KCNJ5: variants seen among roughly 807,000 people sequenced by gnomAD.
KCNJ5 encodes G protein-activated inward rectifier potassium channel 4.
In KCNJ5, 12 loss-of-function variants were observed where a neutral mutation model predicts 20.2. The ratio of observed to expected loss-of-function variants is 0.59; its 90% confidence interval spans 0.38 to 0.96. The LOEUF (loss-of-function observed/expected upper bound fraction) is 0.96, where lower values mean the gene tolerates loss of function less well. KCNJ5 is among the 40% of genes least tolerant of loss of function. The pLI, the probability that KCNJ5 is intolerant of heterozygous loss-of-function variation, is 0.00. For synonymous variants in KCNJ5, 210 were observed against 213.9 expected (o/e 0.98, Z 0.16); for missense variants, 449 against 557.6 (o/e 0.81, Z 1.96).
chr11:128,896,317 C>A (rs531771170), intron 1 of KCNJ5, among the ~76,000 whole-genome samples: 2 of 151,708 alleles, frequency 1.3e-5, no homozygotes, highest in Non-Finnish European at 1.5e-5. Flanking sequence ...TTTCTCTCAG[C>A]GGTAATATTT....
At chr11:128,897,093 CT>C (rs35966521) in intron 1 of KCNJ5, among the ~76,000 whole-genome samples, 1,827 of 100,044 alleles carry the variant, frequency 0.018, 3 homozygotes, top group African/African-American at 0.04. Context: ...CCGTTTACCA[CT>C]TTTTTTTTTT....
chr11:128,893,028 A>G (rs1194973235), intron 1 of KCNJ5, among the ~76,000 whole-genome samples: 2 of 152,218 alleles, frequency 1.3e-5, no homozygotes, highest in East Asian at 3.8e-4. Flanking sequence ...TTGTCTTTCC[A>G]CATCCCTGCT....
At chr11:128,902,555 G>A (rs1161065284) in intron 1 of KCNJ5, 2 of 1,597,652 alleles carry the variant, frequency 1.3e-6, no homozygotes, top group Non-Finnish European at 1.7e-6. Flanking sequence ...AAGGAGACAG[G>A]GCTAGTTAGG....
chr11:128,903,396 G>A (rs758323029), intron 1 of KCNJ5: 27 of 1,613,952 alleles, frequency 1.7e-5, no homozygotes, highest in Middle Eastern at 1.6e-4. Context: ...GGGTGTAGAC[G>A]GCAGAGCTCA....
chr11:128,903,352 G>A (rs199658982), intron 1 of KCNJ5: 170 of 1,613,724 alleles, frequency 1.1e-4, no homozygotes, highest in Middle Eastern at 6.6e-4. Context: ...AACGCGATCC[G>A]GCAGCTGCAC....
Position 128,903,331 on chromosome 11 carries a change from T to C in KCNJ5, c.-10-7933T>C, listed in dbSNP as rs534590917. On this transcript the variant is annotated intron_variant, in intron 1 of 2. Transcript: ENST00000529694. ...GACCAAGAAGGATGTAGAGTGTGTC[T>C]GTGTTGGAAGAACGCGATCCGGCAG... is the stretch of plus-strand genomic sequence containing the variant. The C allele has an allele frequency of 6.8e-6, 11 of 1,611,988 alleles. No homozygotes were observed. The African/African-American group carries it at 1.5e-4, about 21-fold the overall frequency.
Position 128,917,510 on chromosome 11 carries a change from G to T in KCNJ5, c.*779G>T, listed in dbSNP as rs4373934. The stretch of plus-strand genomic sequence containing the variant: ...TGTGCCCTGCACCTCCCACCAAGGG[G>T]GAACCCCAGCAGCTGGGGCTTTTCG... On this transcript the variant is annotated 3_prime_UTR_variant, in exon 3 of 3. Transcript: ENST00000529694. 0.19 allele frequency: 29,686 copies of T among 152,490 alleles called. 3,334 individuals are homozygous for T. The highest frequency in any genetic ancestry group is 0.3 in the Middle Eastern group (87 of 294). The allele number at this position is 152,490 out of a possible 1,614,324, so 9.4% of individuals were successfully genotyped here.
At chr11:128,895,375 T>TCCC (rs1944157760) in intron 1 of KCNJ5, among the ~76,000 whole-genome samples, 1 of 65,508 alleles carries the variant, frequency 1.5e-5, no homozygotes, top group African/African-American at 6.1e-5. Context: ...CCTTAGAGTG[T>TCCC]GCCCCCACCC....
chr11:128,904,537 G>A (rs1944360712), intron 1 of KCNJ5: 1 of 1,372,634 alleles, frequency 7.3e-7, no homozygotes, highest in Non-Finnish European at 1.0e-6. Context: ...TGCTACTCAG[G>A]TGTGCACTGA....
At position 128,911,982 on chromosome 11, in the gene KCNJ5, A is replaced by G; in HGVS notation, c.709A>G (p.Lys237Glu). ...SHIVEASIRA[K>E]LIKSRQTKEG... is the part of the protein sequence containing the mutation. ...CATCGTGGAGGCCTCCATCCGGGCC[A>G]AGCTCATCAAGTCCCGGCAGACCAA... Residue 237 changes from lysine to glutamate, a missense_variant, in exon 2 of 3, where the codon AAG (lysine) becomes GAG (glutamate). By Grantham distance (56) the Lys-to-Glu change is moderately conservative. Coordinates refer to ENST00000529694, the MANE Select transcript of KCNJ5 (RefSeq NM_000890.5). This position sits in a 1 kb window ranked among gnomAD's most constrained non-coding sequence, Gnocchi z 6.3. The G allele has an allele frequency of 6.2e-7, 1 of 1,604,232 alleles. No homozygotes were observed. Among genetic ancestry groups the G allele is most frequent in the Non-Finnish European group, 8.5e-7 (1 of 1,173,514 alleles).
At chr11:128,904,111 G>A (rs1944347214) in intron 1 of KCNJ5, among the ~76,000 whole-genome samples, 1 of 152,192 alleles carries the variant, frequency 6.6e-6, no homozygotes, top group Non-Finnish European at 1.5e-5. Context: ...TCTGTTTCAG[G>A]ATTAAATGAT....
chr11:128,911,778 T>C lies in KCNJ5; in HGVS notation c.505T>C (p.Leu169=). The part of the protein sequence containing the change: ...EKCPEGIILL[L]VQAILGSIVN... ...GTGTCCAGAGGGGATTATACTCCTC[T>C]TGGTCCAGGCCATCCTGGGCTCCAT... Residue 169 remains leucine (L), a synonymous_variant, in exon 2 of 3, where the codon TTG becomes CTG. Transcript: ENST00000529694. This position sits in a 1 kb window ranked among gnomAD's most constrained non-coding sequence, Gnocchi z 6.3. 6.2e-7 allele frequency: 1 copy of C among 1,614,210 alleles called. No homozygotes were observed. Among genetic ancestry groups the C allele is most frequent in the Non-Finnish European group, 8.5e-7 (1 of 1,180,036 alleles).
At chr11:128,914,886 G>T (rs537317310) in intron 2 of KCNJ5, among the ~76,000 whole-genome samples, 55 of 152,350 alleles carry the variant, frequency 3.6e-4, no homozygotes, top group African/African-American at 1.3e-3. Flanking sequence ...CAGACGTCTG[G>T]CATGGTCTAG....
chr11:128,891,861 G>A (rs1484751119), intron 1 of KCNJ5, 140 bp downstream of exon 1: 1 of 152,322 alleles, frequency 6.6e-6, no homozygotes, highest in Non-Finnish European at 1.5e-5. Context: ...GGGGGATAAG[G>A]AAAAGCTTAG....
intron 1 of KCNJ5, among the ~76,000 whole-genome samples, chr11:128,905,386 C>A (rs1944386858): frequency 6.6e-6 from 1 of 152,216 alleles, no homozygotes; most frequent in African/African-American, 2.4e-5. Context: ...TCGTCCCCTG[C>A]GGGGTGAGGG....
At chr11:128,915,422 G>A (rs536012696) in intron 2 of KCNJ5, among the ~76,000 whole-genome samples, 22 of 152,206 alleles carry the variant, frequency 1.4e-4, no homozygotes, top group Non-Finnish European at 2.1e-4. Flanking sequence ...GTATGTGTCC[G>A]CCCAAAACAA....
rs1944591523 is a variant in KCNJ5 at position 128,916,797 on chromosome 11, G to A, written c.*66G>A. 1.6e-6 allele frequency: 2 copies of A among 1,242,954 alleles called. No individual in the cohort carries two copies. The highest frequency in any genetic ancestry group is 2.5e-5 in the East Asian group (1 of 39,774). 77.0% of individuals were successfully genotyped at this position (1,242,954 alleles called of 1,614,324 possible). ...TGAACACAGACACTGCAGAGCCTGG[G>A]AGCAGGGGAGGGGAATAGTTGAGTG... On this transcript the variant is annotated 3_prime_UTR_variant, in exon 3 of 3. Coordinates refer to ENST00000529694, the MANE Select transcript of KCNJ5 (RefSeq NM_000890.5).
chr11:128,907,096 T>C (rs1170857994), intron 1 of KCNJ5, among the ~76,000 whole-genome samples: 2 of 152,182 alleles, frequency 1.3e-5, no homozygotes, highest in Non-Finnish European at 2.9e-5. Flanking sequence ...CAGAAGAGTA[T>C]ACAAATATCT....
chr11:128,903,821 G>A (rs1944338644), intron 1 of KCNJ5, among the ~76,000 whole-genome samples: 1 of 152,164 alleles, frequency 6.6e-6, no homozygotes, highest in African/African-American at 2.4e-5. Context: ...TGGCTGGCGG[G>A]AAGTGACCCG....
Sources: gnomAD v4.1 joint callset for allele counts (sites outside exome capture counted in the v4.1 genomes callset) on GRCh38, gnomAD v4.1.1 for gene constraint, Gnocchi (gnomAD v3.1) non-coding constraint, MANE v1.5 for transcripts, NCBI Gene and HGNC (gene_info 2026-07-23, HGNC 2026-07-21) for gene names.